The following SCRG1 variants were observed in gnomAD, a reference collection of about 807,000 sequenced individuals.
SCRG1 encodes the protein stimulator of chondrogenesis 1, also known as scrapie-responsive protein 1.
In SCRG1, 3 loss-of-function variants were observed where a neutral mutation model predicts 7.7. That is an observed-to-expected ratio of 0.39 (90% CI 0.18 to 1.01). The LOEUF (loss-of-function observed/expected upper bound fraction) is 1.01. Among genes scored for constraint, SCRG1 ranks in the 50% least tolerant of loss-of-function variants. The pLI is 0.36. For missense variants in SCRG1, 110 were observed against 117.2 expected, an observed-to-expected ratio of 0.94 and a Z score of 0.28; for synonymous variants, 46 against 41.2, an observed-to-expected ratio of 1.12 and a Z score of -0.44.
the SCRG1 span, among the ~76,000 whole-genome samples, chr4:173,459,495 C>T: frequency 6.6e-6 from 1 of 152,166 alleles, no homozygotes; most frequent in East Asian, 1.9e-4. Flanking sequence ...AACTTAACAA[C>T]ATGCTCCTGA....
the SCRG1 span, among the ~76,000 whole-genome samples, chr4:173,451,883 T>C: frequency 1.3e-5 from 2 of 152,194 alleles, no homozygotes; most frequent in African/African-American, 4.8e-5. Flanking sequence ...ACCTCCACTA[T>C]GTGTGTTGAA....
At chr4:173,467,975 G>A in the SCRG1 span, 1 of 152,578 alleles carries the variant, frequency 6.6e-6, no homozygotes, top group African/African-American at 2.4e-5. Context: ...TAGGTGTTAA[G>A]TCAAATAGTG....
At chr4:173,516,964 GGA>G in the SCRG1 span, among the ~76,000 whole-genome samples, 1 of 152,244 alleles carries the variant, frequency 6.6e-6, no homozygotes, top group Non-Finnish European at 1.5e-5. Context: ...CTAAAAAAGT[GGA>G]GAGAAATTTT....
chr4:173,459,927 G>GGAGAC, the SCRG1 span, among the ~76,000 whole-genome samples: 2 of 152,146 alleles, frequency 1.3e-5, no homozygotes, highest in Admixed American at 1.3e-4. Context: ...ACATGTGTGA[G>GGAGAC]GAGACTGATA....
the SCRG1 span, among the ~76,000 whole-genome samples, chr4:173,427,025 A>G: frequency 2.0e-5 from 3 of 152,128 alleles, no homozygotes. Flanking sequence ...TTACCACCCT[A>G]ATCTAGAATT....
chr4:173,484,191 T>C, the SCRG1 span, among the ~76,000 whole-genome samples: 154 of 74,718 alleles, frequency 2.1e-3, 2 homozygotes, highest in East Asian at 8.6e-3. Flanking sequence ...ATATTTTCTA[T>C]ATTATATATT....
At chr4:173,517,967 T>C in the SCRG1 span, among the ~76,000 whole-genome samples, 1 of 152,224 alleles carries the variant, frequency 6.6e-6, no homozygotes, top group South Asian at 2.1e-4. Flanking sequence ...TTAGCTCCTC[T>C]CTCTGCTCCC....
At chr4:173,483,279 T>C in the SCRG1 span, among the ~76,000 whole-genome samples, 2 of 43,888 alleles carry the variant, frequency 4.6e-5, no homozygotes, top group East Asian at 1.6e-3. Flanking sequence ...TGATATATAA[T>C]ATATGATATA....
At chr4:173,397,585 C>A (rs1441424584) in intron 1 of SCRG1, among the ~76,000 whole-genome samples, 1 of 152,062 alleles carries the variant, frequency 6.6e-6, no homozygotes, top group Non-Finnish European at 1.5e-5. Flanking sequence ...AAGACATTTC[C>A]AACTAAACAA....
At chr4:173,512,704 A>C in the SCRG1 span, among the ~76,000 whole-genome samples, 1 of 152,184 alleles carries the variant, frequency 6.6e-6, no homozygotes, top group Admixed American at 6.5e-5. Flanking sequence ...TATGCATGGC[A>C]CTTTTCCTAC....
chr4:173,447,225 C>T, the SCRG1 span, among the ~76,000 whole-genome samples: 2 of 152,166 alleles, frequency 1.3e-5, no homozygotes, highest in Non-Finnish European at 2.9e-5. Flanking sequence ...CTTGCTGTGT[C>T]CTCACATGGT....
the SCRG1 span, among the ~76,000 whole-genome samples, chr4:173,517,933 T>G: frequency 6.6e-6 from 1 of 152,216 alleles, no homozygotes; most frequent in African/African-American, 2.4e-5. Flanking sequence ...CTCCCGGACC[T>G]CGGGCCTAGC....
upstream of SCRG1, among the ~76,000 whole-genome samples, chr4:173,402,412 C>A (rs1371837643): frequency 7.3e-5 from 11 of 150,774 alleles, no homozygotes; most frequent in African/African-American, 2.7e-4. Flanking sequence ...ATTCAAAGTA[C>A]TGAAATTAAA....
At chr4:173,500,373 G>C in the SCRG1 span, among the ~76,000 whole-genome samples, 1 of 152,206 alleles carries the variant, frequency 6.6e-6, no homozygotes, top group Non-Finnish European at 1.5e-5. Context: ...ACCCCTGTTC[G>C]CCGGGGAGTG....
the SCRG1 span, among the ~76,000 whole-genome samples, chr4:173,483,917 T>C: frequency 9.5e-6 from 1 of 105,798 alleles, no homozygotes; most frequent in Non-Finnish European, 1.7e-5. Flanking sequence ...ATATAATATA[T>C]GTTATATATT....
At chr4:173,389,815 C>T (rs28611064) in intron 2 of SCRG1, 5,431 of 410,886 alleles carry the variant, frequency 0.013, 244 homozygotes, top group African/African-American at 0.096. Context: ...TTCAACTCTG[C>T]ACCTTTCCTT....
At chr4:173,492,070 C>T in the SCRG1 span, among the ~76,000 whole-genome samples, 2 of 152,026 alleles carry the variant, frequency 1.3e-5, no homozygotes, top group African/African-American at 2.4e-5. Context: ...GTTGAGGCTG[C>T]AGTGAGCTGT....
chr4:173,516,863 C>T, the SCRG1 span, among the ~76,000 whole-genome samples: 3 of 152,220 alleles, frequency 2.0e-5, no homozygotes, highest in Non-Finnish European at 4.4e-5. Context: ...TTCGACAAAG[C>T]CCTACTTTGC....
the SCRG1 span, among the ~76,000 whole-genome samples, chr4:173,414,952 G>C: frequency 6.6e-6 from 1 of 152,200 alleles, no homozygotes; most frequent in African/African-American, 2.4e-5. Flanking sequence ...GTTTTTGCCT[G>C]TCTCCAGAAT....
Sources: allele counts gnomAD v4.1 joint callset (sites outside exome capture counted in the v4.1 genomes callset), GRCh38; gene constraint gnomAD v4.1.1; transcripts MANE v1.5; gene names NCBI Gene and HGNC (gene_info 2026-07-23, HGNC 2026-07-21).